LHFPL6: variants seen among roughly 807,000 people sequenced by gnomAD.
The protein encoded by LHFPL6 is LHFPL tetraspan subfamily member 6, also known as LHFPL tetraspan subfamily member 6 protein.
A neutral mutation model predicts 20.6 loss-of-function variants in LHFPL6; 9 were observed. That is an observed-to-expected ratio of 0.44 (90% CI 0.26 to 0.76). LHFPL6 has a LOEUF of 0.76. LHFPL6 is among the 30% of genes least tolerant of loss of function. The pLI is 0.20. For synonymous variants in LHFPL6, 105 were observed against 98.7 expected (o/e 1.06, Z -0.38); for missense variants, 218 against 253.5 (o/e 0.86, Z 0.95).
At chr13:39,502,548 G>A (rs1869329387) in intron 2 of LHFPL6, among the ~76,000 whole-genome samples, 1 of 151,942 alleles carries the variant, frequency 6.6e-6, no homozygotes. Context: ...TTGAGCTCAG[G>A]AGCTTGAGGC....
chr13:39,366,641 G>T (rs902707212), intron 3 of LHFPL6, among the ~76,000 whole-genome samples: 1 of 152,150 alleles, frequency 6.6e-6, no homozygotes, highest in East Asian at 1.9e-4. Context: ...GTGGACGCTG[G>T]CAAAAGATAG....
intron 2 of LHFPL6, among the ~76,000 whole-genome samples, chr13:39,571,983 C>T (rs1218619208): frequency 6.6e-6 from 1 of 152,098 alleles, no homozygotes; most frequent in African/African-American, 2.4e-5. Context: ...GCTCCCCTGC[C>T]GTGAGTTGGT....
intron 2 of LHFPL6, among the ~76,000 whole-genome samples, chr13:39,550,205 G>C (rs1270113493): frequency 3.3e-5 from 5 of 151,990 alleles, no homozygotes; most frequent in African/African-American, 7.3e-5. Context: ...ATGGCTTTCT[G>C]GAAAAGGGAA....
At chr13:39,557,129 A>C (rs1185321555) in intron 2 of LHFPL6, among the ~76,000 whole-genome samples, 1 of 152,178 alleles carries the variant, frequency 6.6e-6, no homozygotes, top group Non-Finnish European at 1.5e-5. Context: ...ACAACAAGAA[A>C]AAGGCCTAGA....
chr13:39,347,005 G>GGAGGC (rs1869419365), intron 3 of LHFPL6, among the ~76,000 whole-genome samples: 1 of 150,400 alleles, frequency 6.6e-6, no homozygotes, highest in Non-Finnish European at 1.5e-5. Context: ...ACTTGAACCC[G>GGAGGC]GGAGGCGGAG....
chr13:39,345,238 C>A (rs564527901), intron 3 of LHFPL6, among the ~76,000 whole-genome samples: 1 of 152,074 alleles, frequency 6.6e-6, no homozygotes, highest in Admixed American at 6.6e-5. Context: ...CGGGGCTGGG[C>A]GCAGTGGCTC....
At chr13:39,395,172 C>CT (rs1420729843) in intron 2 of LHFPL6, among the ~76,000 whole-genome samples, 1 of 152,068 alleles carries the variant, frequency 6.6e-6, no homozygotes, top group Non-Finnish European at 1.5e-5. Context: ...TAAATGCCTC[C>CT]TTTTTTCAGC....
chr13:39,514,347 A>T (rs1430458085), intron 2 of LHFPL6, among the ~76,000 whole-genome samples: 1 of 152,150 alleles, frequency 6.6e-6, no homozygotes, highest in Non-Finnish European at 1.5e-5. Context: ...CCCTCTCCAC[A>T]TCCAGAGCTC....
chr13:39,592,060 C>T (rs576566603), intron 2 of LHFPL6, among the ~76,000 whole-genome samples: 7 of 151,612 alleles, frequency 4.6e-5, no homozygotes, highest in African/African-American at 1.5e-4. Context: ...CACACCATTG[C>T]ACTCCAGCCT....
At chr13:39,575,538 T>C (rs1189839155) in intron 2 of LHFPL6, among the ~76,000 whole-genome samples, 1 of 152,158 alleles carries the variant, frequency 6.6e-6, no homozygotes, top group African/African-American at 2.4e-5. Flanking sequence ...AATTAAGAAG[T>C]CCAAGTGGCC....
chr13:39,361,378 C>T (rs1049698990), intron 3 of LHFPL6, among the ~76,000 whole-genome samples: 18 of 151,416 alleles, frequency 1.2e-4, no homozygotes, highest in Admixed American at 4.6e-4. Context: ...AGTGCAGTGG[C>T]GTGATCTTGG....
intron 2 of LHFPL6, among the ~76,000 whole-genome samples, chr13:39,505,898 A>T (rs891129309): frequency 5.9e-5 from 9 of 152,206 alleles, no homozygotes; most frequent in African/African-American, 2.2e-4. Flanking sequence ...CTAAACAAGG[A>T]TGCATTATCT....
At chr13:39,544,547 G>C (rs1226166121) in intron 2 of LHFPL6, among the ~76,000 whole-genome samples, 1 of 152,164 alleles carries the variant, frequency 6.6e-6, no homozygotes, top group African/African-American at 2.4e-5. Context: ...GAGTACACTT[G>C]TTCTCCTCAG....
At chr13:39,526,652 G>A (rs947643763) in intron 2 of LHFPL6, among the ~76,000 whole-genome samples, 1 of 152,166 alleles carries the variant, frequency 6.6e-6, no homozygotes. Context: ...GATTCCACAC[G>A]ACAAGGTTAC....
rs375865787 is a variant in LHFPL6, at chr13:39,600,950, G to A, written c.267C>T (p.Thr89=). The A allele has an allele frequency of 1.7e-4, 266 of 1,608,798 alleles. No individual in the cohort carries two copies. Among genetic ancestry groups the A allele is most frequent in the Non-Finnish European group, 1.4e-4 (163 of 1,176,454 alleles). The change falls in exon 2 of 4, where the codon ACC becomes ACT. Residue 89 remains threonine (T), a synonymous_variant. Coordinates refer to ENST00000379589, the MANE Select transcript of LHFPL6 (RefSeq NM_005780.3). ...SAEWRICTIV[T]GLGCGLLLLV... ...GGAGGAGGAGGCCACAACCCAGGCC[G>A]GTCACTATGGTGCAGATCCTCCATT...
At chr13:39,507,172 G>C (rs1206549070) in intron 2 of LHFPL6, among the ~76,000 whole-genome samples, 1 of 152,160 alleles carries the variant, frequency 6.6e-6, no homozygotes, top group Admixed American at 6.5e-5. Context: ...AATGCATTAA[G>C]AATTTATTGC....
intron 2 of LHFPL6, among the ~76,000 whole-genome samples, chr13:39,455,719 G>A (rs1456573601): frequency 3.3e-5 from 5 of 152,154 alleles, no homozygotes; most frequent in Admixed American, 6.5e-5. Context: ...CAGATGCTGC[G>A]AAGCGATTAC....
chr13:39,364,630 G>A (rs1336316093), intron 3 of LHFPL6, among the ~76,000 whole-genome samples: 1 of 152,152 alleles, frequency 6.6e-6, no homozygotes, highest in African/African-American at 2.4e-5. Context: ...CTGTGGCCCG[G>A]TGGATAGTTT....
At chr13:39,433,140 C>T (rs1871861700) in intron 2 of LHFPL6, among the ~76,000 whole-genome samples, 1 of 152,112 alleles carries the variant, frequency 6.6e-6, no homozygotes, top group South Asian at 2.1e-4. Flanking sequence ...AGCTCTTCTA[C>T]CTCTAAATTG....
Sources: allele counts gnomAD v4.1 joint callset (sites outside exome capture counted in the v4.1 genomes callset), GRCh38; gene constraint gnomAD v4.1.1; transcripts MANE v1.5; gene names NCBI Gene and HGNC (gene_info 2026-07-23, HGNC 2026-07-21).